RYR2: variants seen among roughly 807,000 people sequenced by gnomAD.
RYR2 encodes cardiac muscle ryanodine receptor-calcium release channel.
In RYR2, 227 loss-of-function variants were observed where a neutral mutation model predicts 601.1. The observed-to-expected ratio is 0.38, with a 90% CI of 0.34 to 0.42. The LOEUF (loss-of-function observed/expected upper bound fraction) is 0.42. Among genes scored for constraint, RYR2 ranks in the 10% least tolerant of loss-of-function variants. The probability of loss-of-function intolerance (pLI) is 1.00; values close to 1 mark genes in which losing one functional copy is unlikely to be tolerated. For synonymous variants in RYR2, 2,223 were observed against 2,175.1 expected (o/e 1.02, Z -0.61); for missense variants, 4,646 against 6,156.5 (o/e 0.75, Z 8.21).
rs917851815 is a variant in RYR2, at chr1:237,386,037, T to A, written c.577-1244T>A. 3.9e-5 allele frequency among the ~76,000 whole-genome samples: 6 copies of A among 152,314 alleles called. No individual in the cohort carries two copies. The East Asian group carries it at 1.2e-3, about 29-fold the overall frequency. ...AAGAAATTGAGTCAATAAAGGAATC[T>A]TAGCTGGGATTACAGCTAAGACTGT... is the stretch of plus-strand genomic sequence containing the variant. On this transcript the variant is annotated intron_variant, in intron 8 of 104. Transcript: ENST00000366574.
intron 2 of RYR2, among the ~76,000 whole-genome samples, chr1:237,285,423 A>G (rs1296295203): frequency 6.6e-6 from 1 of 152,016 alleles, no homozygotes; most frequent in Non-Finnish European, 1.5e-5. Context: ...TGTTGGATTC[A>G]GTTAGTATTT....
rs571381578 is a variant in RYR2, at chr1:237,815,966, C to A, written c.14434-3070C>A. On this transcript the variant is annotated intron_variant, in intron 100 of 104. Coordinates refer to ENST00000366574, the MANE Select transcript of RYR2 (RefSeq NM_001035.3). Reference sequence around the variant, plus strand: ...CAAGTGCAAGACCAAGAGTCTTGGTCAGCAGGAATCACCAAGAGGAACTGA... The same window carrying A: ...CAAGTGCAAGACCAAGAGTCTTGGTAAGCAGGAATCACCAAGAGGAACTGA... Among the ~76,000 whole-genome samples, 352 of 152,280 alleles carry A rather than the reference C, an allele frequency of 2.3e-3. 2 individuals carry two copies. Among genetic ancestry groups the A allele is most frequent in the Non-Finnish European group, 3.7e-3 (255 of 68,016 alleles).
At chr1:237,723,340 G>T in intron 74 of RYR2, 78 bp downstream of exon 74, 11 of 1,128,194 alleles carry the variant, frequency 9.8e-6, no homozygotes, top group Non-Finnish European at 1.3e-5. Flanking sequence ...GTGTTAATTT[G>T]TTAACTATGA....
chr1:237,429,425 C>G (rs1706563674), intron 12 of RYR2, among the ~76,000 whole-genome samples: 1 of 152,140 alleles, frequency 6.6e-6, no homozygotes, highest in Non-Finnish European at 1.5e-5. Flanking sequence ...CTGGTTCACT[C>G]ATTCAGTTCA....
At chr1:237,426,172 C>A (rs1223022683) in intron 12 of RYR2, among the ~76,000 whole-genome samples, 1 of 152,154 alleles carries the variant, frequency 6.6e-6, no homozygotes, top group African/African-American at 2.4e-5. Flanking sequence ...CTTTCTCTTT[C>A]AACTCCTGTT....
In RYR2 at chr1:237,135,532, ATTTT is replaced by A. The variant is rs71178396; in HGVS notation, c.48+92978_48+92981del. Among the ~76,000 whole-genome samples the A allele has an allele frequency of 5.9e-4, 80 of 136,096 alleles. 1 individual carries two copies. In the East Asian group the frequency reaches 9.0e-3, roughly 15 times the overall value. 89.3% of individuals were successfully genotyped at this position (136,096 alleles called of 152,430 possible). ...CTGCAGGCACCCGCCACCACACCTA[ATTTT>A]TTTTTTTTTTTTTTCATTTTTAGTA... On this transcript the variant is annotated intron_variant, in intron 1 of 104. Coordinates refer to ENST00000366574, the MANE Select transcript of RYR2 (RefSeq NM_001035.3).
At chr1:237,781,931 G>T (rs1695147321) in intron 89 of RYR2, among the ~76,000 whole-genome samples, 1 of 152,052 alleles carries the variant, frequency 6.6e-6, no homozygotes, top group Non-Finnish European at 1.5e-5. Context: ...AGTCTATAAA[G>T]AATATTTTAT....
intron 1 of RYR2, among the ~76,000 whole-genome samples, chr1:237,183,227 T>C (rs1678988273): frequency 6.6e-6 from 1 of 152,220 alleles, no homozygotes; most frequent in Non-Finnish European, 1.5e-5. Context: ...CTACTTTGCA[T>C]TGATTTGCTA....
chr1:237,620,413 A>G (rs1240606164), intron 38 of RYR2, among the ~76,000 whole-genome samples: 2 of 152,206 alleles, frequency 1.3e-5, no homozygotes, highest in Admixed American at 6.5e-5. Context: ...ATAGCAAGTC[A>G]GTAAAAATAA....
chr1:237,516,560 A>G (rs1163280044), intron 24 of RYR2, among the ~76,000 whole-genome samples: 1 of 152,000 alleles, frequency 6.6e-6, no homozygotes, highest in Non-Finnish European at 1.5e-5. Context: ...CTCCCCAAAT[A>G]TCCATCTCTA....
At chr1:237,216,466 G>A (rs1277411345) in intron 1 of RYR2, among the ~76,000 whole-genome samples, 2 of 151,918 alleles carry the variant, frequency 1.3e-5, no homozygotes, top group African/African-American at 2.4e-5. Context: ...GGCTAGGAGC[G>A]GTGGCTCATG....
chr1:237,220,919 T>C (rs2149137473), intron 1 of RYR2, among the ~76,000 whole-genome samples: 1 of 152,198 alleles, frequency 6.6e-6, no homozygotes, highest in Non-Finnish European at 1.5e-5. Flanking sequence ...TGAAACCCCA[T>C]CTGTACTAAA....
intron 8 of RYR2, among the ~76,000 whole-genome samples, chr1:237,380,464 G>A (rs1161471738): frequency 1.6e-5 from 2 of 125,172 alleles, no homozygotes; most frequent in South Asian, 2.7e-4. Flanking sequence ...GGCTAATCAT[G>A]TAACCTTTAG....
intron 12 of RYR2, among the ~76,000 whole-genome samples, chr1:237,432,521 A>T (rs956574045): frequency 6.6e-6 from 1 of 152,106 alleles, no homozygotes; most frequent in African/African-American, 2.4e-5. Context: ...CTGGGAAGGG[A>T]AGGGATGGAC....
intron 1 of RYR2, among the ~76,000 whole-genome samples, chr1:237,229,539 G>A (rs1488067778): frequency 6.6e-6 from 1 of 151,860 alleles, no homozygotes; most frequent in African/African-American, 2.4e-5. Context: ...GAATTCATTG[G>A]TTGGTGACCC....
intron 1 of RYR2, among the ~76,000 whole-genome samples, chr1:237,163,637 A>G (rs969288685): frequency 2.6e-5 from 4 of 152,164 alleles, no homozygotes; most frequent in African/African-American, 9.7e-5. Flanking sequence ...AAGTTCATGT[A>G]GTTAATGGGT....
rs370297602 is a variant in RYR2, at chr1:237,784,375, C to G, written c.12663C>G (p.Ser4221Arg). ...LNERSANKEE[S>R]EKERPEEQGP... ...AGAGGTCAGCGAATAAGGAAGAAAGCGAGAAGGAGAGGCCGGAAGAGCAGG... is the reference window on the plus strand; with the variant it reads ...AGAGGTCAGCGAATAAGGAAGAAAGGGAGAAGGAGAGGCCGGAAGAGCAGG... Residue 4221 changes from serine (S) to arginine (R), a missense_variant, in exon 90 of 105, where the codon AGC (serine) becomes AGG (arginine). By Grantham distance (110) the Ser-to-Arg change is moderately radical (BLOSUM62 -1). Coordinates refer to ENST00000366574, the MANE Select transcript of RYR2 (RefSeq NM_001035.3). The surrounding 1 kb of genome is among the most constrained non-coding windows in gnomAD (Gnocchi z 7.1). 8.7e-6 allele frequency: 14 copies of G among 1,613,800 alleles called. 1 individual carries two copies. The South Asian group carries it at 1.4e-4, about 16-fold the overall frequency.
intron 2 of RYR2, among the ~76,000 whole-genome samples, chr1:237,275,450 C>T (rs1205221914): frequency 1.3e-5 from 2 of 151,724 alleles, no homozygotes; most frequent in Non-Finnish European, 2.9e-5. Flanking sequence ...CATTATTTGA[C>T]AAGGCATAAT....
chr1:237,401,670 A>G (rs572204226), intron 10 of RYR2, among the ~76,000 whole-genome samples: 1 of 152,282 alleles, frequency 6.6e-6, no homozygotes, highest in Non-Finnish European at 1.5e-5. Flanking sequence ...AGAATGTTTG[A>G]GTGCAGTTTT....
Sources: allele counts gnomAD v4.1 joint callset (sites outside exome capture counted in the v4.1 genomes callset), GRCh38; gene constraint gnomAD v4.1.1; non-coding constraint Gnocchi (gnomAD v3.1); transcripts MANE v1.5; gene names NCBI Gene and HGNC (gene_info 2026-07-23, HGNC 2026-07-21).